IDE: variants seen among roughly 807,000 people sequenced by gnomAD.
The protein encoded by IDE is insulin-degrading enzyme.
IDE carries 58 observed loss-of-function variants against 133.2 expected under a neutral mutation model. The ratio of observed to expected loss-of-function variants is 0.44; its 90% CI spans 0.35 to 0.54. The LOEUF is 0.54. IDE is among the 20% of genes least tolerant of loss of function. The probability of loss-of-function intolerance (pLI) is 0.00; values close to 1 mark genes in which losing one functional copy is unlikely to be tolerated. For missense variants in IDE, 981 were observed against 1,234.0 expected, an observed-to-expected ratio of 0.79 and a Z score of 3.07; for synonymous variants, 396 against 421.3, an observed-to-expected ratio of 0.94 and a Z score of 0.73.
intron 2 of IDE, among the ~76,000 whole-genome samples, chr10:92,536,383 CAAAAAAAA>C (rs58280739): frequency 1.8e-5 from 1 of 54,854 alleles, no homozygotes; most frequent in African/African-American, 5.1e-5. Context: ...AACTCCGTCT[CAAAAAAAA>C]AAAAAAAAAA....
chr10:92,479,259 T>C lies in IDE; in HGVS notation c.1884+18A>G, dbSNP rs764815939. 3.2e-5 allele frequency: 51 copies of C among 1,584,688 alleles called. No individual in the cohort carries two copies. The highest frequency in any genetic ancestry group is 4.1e-5 in the Non-Finnish European group (47 of 1,156,392). On this transcript the variant is annotated intron_variant, in intron 15 of 24. Transcript: ENST00000265986. ...AAAAATGTTGATGAGTGGAAGGCTC[T>C]AAGGCGTGGGTACTTACATACATCC...
intron 1 of IDE, among the ~76,000 whole-genome samples, chr10:92,549,711 T>C (rs1842695156): frequency 6.6e-6 from 1 of 151,698 alleles, no homozygotes; most frequent in Admixed American, 6.6e-5. Flanking sequence ...ATCTATTATA[T>C]ATTATACATA....
chr10:92,520,663 T>C (rs564756920), intron 4 of IDE, among the ~76,000 whole-genome samples: 4 of 152,344 alleles, frequency 2.6e-5, no homozygotes, highest in Non-Finnish European at 5.9e-5. Context: ...TAAAGCCTTT[T>C]GATATATGTG....
At chr10:92,556,325 C>CA (rs1244603378) in intron 1 of IDE, among the ~76,000 whole-genome samples, 4 of 151,552 alleles carry the variant, frequency 2.6e-5, no homozygotes, top group Non-Finnish European at 5.9e-5. Context: ...ATAATAGCAT[C>CA]AAAAAATAAA....
At chr10:92,511,079 A>G (rs1181936034) in intron 5 of IDE, among the ~76,000 whole-genome samples, 5 of 139,916 alleles carry the variant, frequency 3.6e-5, no homozygotes, top group Non-Finnish European at 4.6e-5. Flanking sequence ...AAAAGAAAGC[A>G]GTGTTAAAAA....
At chr10:92,524,357 T>A (rs10882075) in intron 4 of IDE, among the ~76,000 whole-genome samples, 4 of 24,680 alleles carry the variant, frequency 1.6e-4, no homozygotes, top group African/African-American at 6.4e-4. Context: ...TATAATATAT[T>A]TTATATTATA....
At chr10:92,513,650 T>C (rs1003877914) in intron 5 of IDE, among the ~76,000 whole-genome samples, 24 of 149,494 alleles carry the variant, frequency 1.6e-4, no homozygotes, top group African/African-American at 5.1e-4. Context: ...ATATATAATA[T>C]ACATATATTA....
At chr10:92,469,841 T>C (rs1002428961) in intron 18 of IDE, among the ~76,000 whole-genome samples, 4 of 152,298 alleles carry the variant, frequency 2.6e-5, no homozygotes, top group South Asian at 4.1e-4. Context: ...ACTCTAATTT[T>C]ACAGAAAAGA....
At chr10:92,522,492 A>G (rs1849281446) in intron 4 of IDE, among the ~76,000 whole-genome samples, 1 of 152,196 alleles carries the variant, frequency 6.6e-6, no homozygotes. Context: ...TCCCTGCAAG[A>G]CTAAAACATT....
chr10:92,531,492 G>A (rs1009359525), intron 4 of IDE, among the ~76,000 whole-genome samples: 1 of 152,106 alleles, frequency 6.6e-6, no homozygotes, highest in African/African-American at 2.4e-5. Context: ...TTCTCCATAT[G>A]GAATGCTGGT....
At chr10:92,524,931 A>C (rs1275403191) in intron 4 of IDE, among the ~76,000 whole-genome samples, 2 of 151,676 alleles carry the variant, frequency 1.3e-5, no homozygotes, top group African/African-American at 4.8e-5. Flanking sequence ...ACAAACAAAC[A>C]AAAATATATA....
chr10:92,468,902 T>A lies in IDE; in HGVS notation c.2297A>T (p.Tyr766Phe), dbSNP rs1326726021. 1.2e-6 allele frequency: 2 copies of A among 1,607,764 alleles called. No homozygotes were observed. Among genetic ancestry groups the A allele is most frequent in the Non-Finnish European group, 1.7e-6 (2 of 1,174,158 alleles). Residue 766 changes from tyrosine to phenylalanine, a missense_variant, in exon 19 of 25, where the codon TAT (tyrosine) becomes TTT (phenylalanine). By Grantham distance (22) the Tyr-to-Phe change is conservative (BLOSUM62 3). Coordinates refer to ENST00000265986, the MANE Select transcript of IDE (RefSeq NM_004969.4). ...KPLLPSQLVRYREVQLPDRGW... is the reference protein window; with the variant it reads ...KPLLPSQLVRFREVQLPDRGW... ...ACTGTCAGGGAGCTGAACTTCTCTA[T>A]ACCGAACCAGCTGACTTGGAAGGAG... is the stretch of plus-strand genomic sequence containing the variant.
chr10:92,538,919 C>CA (rs796447901), intron 1 of IDE, among the ~76,000 whole-genome samples: 76 of 152,134 alleles, frequency 5.0e-4, no homozygotes, highest in African/African-American at 1.8e-3. Flanking sequence ...ACCTACAAGA[C>CA]AAAACTAAAC....
intron 1 of IDE, among the ~76,000 whole-genome samples, chr10:92,557,307 G>C (rs377507845): frequency 3.3e-5 from 5 of 150,538 alleles, no homozygotes; most frequent in East Asian, 2.0e-4. Flanking sequence ...GAGGCCGAGG[G>C]GGGTGGATCA....
chr10:92,468,970 C>G lies in IDE; in HGVS notation c.2229G>C (p.Gln743His), dbSNP rs1461934149. The part of the protein sequence containing the change: ...ITKQAALGIM[Q>H]MVEDTLIEHA... The stretch of plus-strand genomic sequence containing the variant: ...GTTCAATGAGGGTGTCTTCAACCAT[C>G]TGCATAATTCCTAATGCAGCCTATG... Residue 743 changes from glutamine (Q) to histidine (H), a missense_variant, in exon 19 of 25, where the codon CAG (glutamine) becomes CAC (histidine). Gln to His is a conservative substitution (Grantham distance 24). Coordinates refer to ENST00000265986, the MANE Select transcript of IDE (RefSeq NM_004969.4). The G allele has an allele frequency of 1.9e-6, 3 of 1,603,498 alleles. No individual in the cohort carries two copies. Among genetic ancestry groups the G allele is most frequent in the East Asian group, 2.2e-5 (1 of 44,832 alleles).
intron 22 of IDE, among the ~76,000 whole-genome samples, chr10:92,459,820 ACCT>A (rs1845264584): frequency 7.1e-6 from 1 of 139,982 alleles, no homozygotes; most frequent in East Asian, 2.1e-4. Flanking sequence ...GATGGTGTGA[ACCT>A]CTTTTTTTTT....
intron 1 of IDE, among the ~76,000 whole-genome samples, chr10:92,561,726 C>T (rs1457870675): frequency 2.6e-5 from 4 of 151,522 alleles, no homozygotes; most frequent in African/African-American, 9.7e-5. Flanking sequence ...CGCGCCACTG[C>T]ACTCCAGCCT....
At chr10:92,479,158 T>C (rs952043957) in intron 15 of IDE, 119 bp downstream of exon 15, 2 of 607,380 alleles carry the variant, frequency 3.3e-6, no homozygotes, top group Non-Finnish European at 5.4e-6. Flanking sequence ...GAAAATATGA[T>C]TAGCCATAAA....
chr10:92,510,214 A>C, intron 5 of IDE, 52 bp from the exon 6 acceptor site: 1 of 899,866 alleles, frequency 1.1e-6, no homozygotes, highest in Non-Finnish European at 1.8e-6. Context: ...ATAACATCCA[A>C]CAGGGAGTGC....
Sources: gnomAD v4.1 joint callset for allele counts (sites outside exome capture counted in the v4.1 genomes callset) on GRCh38, gnomAD v4.1.1 for gene constraint, MANE v1.5 for transcripts, NCBI Gene and HGNC (gene_info 2026-07-23, HGNC 2026-07-21) for gene names.